DNPEP: variants seen among roughly 807,000 people sequenced by gnomAD.
DNPEP encodes aspartyl aminopeptidase.
In DNPEP, 46 loss-of-function variants were observed where a neutral mutation model predicts 59.1. That is an observed-to-expected ratio of 0.78 (90% CI 0.61 to 0.99). The LOEUF (loss-of-function observed/expected upper bound fraction) is 0.99. Ranked by LOEUF, DNPEP falls within the 50% of genes least tolerant of loss-of-function variation. The pLI, the probability that DNPEP is intolerant of heterozygous loss-of-function variation, is 0.00. For synonymous variants in DNPEP, 229 were observed against 242.2 expected, an observed-to-expected ratio of 0.95 and a Z score of 0.50; for missense variants, 617 against 649.9, an observed-to-expected ratio of 0.95 and a Z score of 0.55.
chr2:219,374,608 C>T (rs1043947553), intron 14 of DNPEP, among the ~76,000 whole-genome samples: 6 of 152,124 alleles, frequency 3.9e-5, no homozygotes, highest in African/African-American at 1.2e-4. Context: ...ATGGACTTGC[C>T]ATGTTGCTCA....
chr2:219,378,523 G>C lies in DNPEP; in HGVS notation c.1239+2812C>G, dbSNP rs537468091. ...AACACTGTGCAGCAGAAAGAGCCCTGGGCTGGGAGTCAGGATACCACGGTT... is the reference window on the plus strand; with the variant it reads ...AACACTGTGCAGCAGAAAGAGCCCTCGGCTGGGAGTCAGGATACCACGGTT... On this transcript the variant is annotated intron_variant, in intron 13 of 14. Transcript: ENST00000273075. 1.2e-4 allele frequency among the ~76,000 whole-genome samples: 19 copies of C among 152,154 alleles called. No homozygotes were observed. The South Asian group carries it at 3.9e-3, about 32-fold the overall frequency.
At chr2:219,381,077 T>C (rs576905341) in intron 13 of DNPEP, among the ~76,000 whole-genome samples, 4 of 152,294 alleles carry the variant, frequency 2.6e-5, no homozygotes, top group African/African-American at 9.6e-5. Flanking sequence ...AAAGTAGGCA[T>C]CACTATCACC....
rs201424405 is a variant in DNPEP, at chr2:219,383,144, T to C, written c.923A>G (p.Tyr308Cys). The C allele has an allele frequency of 8.1e-5, 131 of 1,614,002 alleles. No individual in the cohort carries two copies. The highest frequency in any genetic ancestry group is 1.4e-5 in the Non-Finnish European group (17 of 1,179,994). Residue 308 changes from tyrosine to cysteine, a missense_variant, in exon 10 of 15, where the codon TAT becomes TGT. Tyr to Cys is a radical substitution (Grantham distance 194). Coordinates refer to ENST00000273075, the MANE Select transcript of DNPEP (RefSeq NM_012100.4). Reference protein sequence around the residue: ...TEPHVRMVTLYDNEEVGSESA... With the variant: ...TEPHVRMVTLCDNEEVGSESA... ...CCCTCCACGTACCTCTTCGTTGTCA[T>C]AGAGTGTGACCATGCGCACGTGAGG...
chr2:219,382,163 C>T, intron 10 of DNPEP, 24 bp from the exon 11 acceptor site: 1 of 1,599,600 alleles, frequency 6.3e-7, no homozygotes, highest in East Asian at 2.2e-5. Context: ...AGTCCTGACT[C>T]TGGGAATCTG....
At chr2:219,380,776 G>A (rs1953558488) in intron 13 of DNPEP, among the ~76,000 whole-genome samples, 1 of 150,552 alleles carries the variant, frequency 6.6e-6, no homozygotes, top group African/African-American at 2.4e-5. Context: ...CAGTATATAT[G>A]TGTGTATATG....
chr2:219,385,712 G>A lies in DNPEP; in HGVS notation c.591-6C>T, dbSNP rs750571417. 1 of 1,597,098 alleles carries A rather than the reference G, an allele frequency of 6.3e-7. No individual in the cohort carries two copies. The highest frequency in any genetic ancestry group is 1.7e-5 in the Admixed American group (1 of 57,534). ...CTGTGGCAAGAATGGGGACTCTGTG[G>A]GGAGACGTGGGTTGTGGGGGGATTG... is the stretch of plus-strand genomic sequence containing the variant. On this transcript the variant is annotated splice_polypyrimidine_tract_variant and splice_region_variant and intron_variant, in intron 6 of 14. Coordinates refer to ENST00000273075, the MANE Select transcript of DNPEP (RefSeq NM_012100.4).
chr2:219,392,153 A>G (rs968129316), upstream of DNPEP, among the ~76,000 whole-genome samples: 1 of 152,230 alleles, frequency 6.6e-6, no homozygotes, highest in Non-Finnish European at 1.5e-5. Flanking sequence ...CAAGAAAGAA[A>G]AAGTTTCTGA....
At position 219,382,137 on chromosome 2, in the gene DNPEP, CA is replaced by C. The variant is rs1953630284; in HGVS notation, c.938del (p.Val313GlyfsTer13). 1 of 1,608,878 alleles carries C rather than the reference CA, an allele frequency of 6.2e-7. No homozygotes were observed. Among genetic ancestry groups the C allele is most frequent in the African/African-American group, 1.3e-5 (1 of 74,934 alleles). ...RMVTLYDNEE[V>X]GSESAQGAQS... Reference sequence around the variant, plus strand: ...GTGCTCCCTGTGCACTCTCAGACCCCACCTGGCGACAGTAGAGTCCTGACTC... The same window carrying C: ...GTGCTCCCTGTGCACTCTCAGACCCCCCTGGCGACAGTAGAGTCCTGACTC... On this transcript the variant is annotated frameshift_variant and splice_region_variant, in exon 11 of 15. Transcript: ENST00000273075. LOFTEE classifies it high-confidence loss of function.
intron 8 of DNPEP, chr2:219,384,735 A>G (rs1953739800): frequency 7.7e-6 from 2 of 258,448 alleles, no homozygotes; most frequent in South Asian, 8.0e-5. Context: ...GGCCCAGCTA[A>G]TTTTTGTATT....
chr2:219,395,082 A>C (rs2125152964), intron 1 of DNPEP, among the ~76,000 whole-genome samples: 1 of 151,972 alleles, frequency 6.6e-6, no homozygotes, highest in South Asian at 2.1e-4. Context: ...CAGCCTCCTG[A>C]GGATTACAGA....
chr2:219,390,941 A>C (rs1310626134), upstream of DNPEP, among the ~76,000 whole-genome samples: 2 of 152,256 alleles, frequency 1.3e-5, no homozygotes, highest in Non-Finnish European at 2.9e-5. Context: ...GCTTGGGGTA[A>C]TGCAAGCATT....
At chr2:219,386,224 C>T (rs2125141659) in intron 5 of DNPEP, 62 bp downstream of exon 5, 2 of 1,612,682 alleles carry the variant, frequency 1.2e-6, no homozygotes, top group South Asian at 1.1e-5. Context: ...CCACGGGTAC[C>T]CTGAGGAGTG....
chr2:219,374,895 G>C lies in DNPEP; in HGVS notation c.1367C>G (p.Ala456Gly), dbSNP rs1385613134. The C allele has an allele frequency of 6.2e-7, 1 of 1,614,176 alleles. No homozygotes were observed. The highest frequency in any genetic ancestry group is 1.7e-5 in the Admixed American group (1 of 60,016). Reference sequence around the variant, plus strand: ...GGTCTGGAGGACTCCTGTGGTGCAGGCCATCTCCCGGATAGAGTGCATGGC... The same window carrying C: ...GGTCTGGAGGACTCCTGTGGTGCAGCCCATCTCCCGGATAGAGTGCATGGC... ...QLAMHSIREM[A>G]CTTGVLQTLT... The change falls in exon 14 of 15, where the codon GCC (alanine) becomes GGC (glycine). Residue 456 changes from alanine (A) to glycine (G), a missense_variant. By Grantham distance (60) the Ala-to-Gly change is moderately conservative. Transcript: ENST00000273075.
intron 13 of DNPEP, among the ~76,000 whole-genome samples, chr2:219,377,159 A>T (rs1367249787): frequency 6.6e-6 from 1 of 151,374 alleles, no homozygotes; most frequent in Admixed American, 6.6e-5. Context: ...TTGTAATCCC[A>T]GCTACTTTGG....
upstream of DNPEP, chr2:219,393,655 T>C: frequency 6.6e-6 from 1 of 152,300 alleles, no homozygotes; most frequent in African/African-American, 2.4e-5. Flanking sequence ...TTGCATCTCC[T>C]GGGCCATTTG....
upstream of DNPEP, chr2:219,393,740 C>G (rs1954054537): frequency 6.6e-6 from 1 of 152,168 alleles, no homozygotes; most frequent in Non-Finnish European, 1.5e-5. Flanking sequence ...GACCATGGTT[C>G]CCATTTTACT....
chr2:219,385,195 G>A lies in DNPEP; in HGVS notation c.774+229C>T, dbSNP rs143588850. 2,357 of 486,722 alleles carry A rather than the reference G, an allele frequency of 4.8e-3. 79 individuals carry two copies. In the Admixed American group the frequency reaches 0.053, roughly 11 times the overall value. The allele number at this position is 486,722 out of a possible 1,614,324, so 30.2% of individuals were successfully genotyped here. A position where few individuals can be genotyped will look rare whatever the true frequency, so the allele number is the denominator to read the frequency against. On this transcript the variant is annotated intron_variant, in intron 8 of 14. Transcript: ENST00000273075. ...TGTAGAAGAAACTCTTTGGGAATCT[G>A]TAAAAAGGGCCAATTCCCAGATAGT...
chr2:219,397,277 C>T (rs1243242094), intron 1 of DNPEP, among the ~76,000 whole-genome samples: 2 of 146,970 alleles, frequency 1.4e-5, no homozygotes, highest in African/African-American at 5.0e-5. Flanking sequence ...TTGAGACAGG[C>T]CTGCAAGTAT....
chr2:219,388,889 T>A, upstream of DNPEP: 2 of 985,346 alleles, frequency 2.0e-6, no homozygotes, highest in East Asian at 1.1e-4. Flanking sequence ...GTCCCCAGTT[T>A]ATGCATGAAC....
Sources: allele counts gnomAD v4.1 joint callset (sites outside exome capture counted in the v4.1 genomes callset), GRCh38; gene constraint gnomAD v4.1.1; transcripts MANE v1.5; gene names NCBI Gene and HGNC (gene_info 2026-07-23, HGNC 2026-07-21).